The following HTR2C variants were observed in gnomAD, a reference collection of about 807,000 sequenced individuals.
The protein encoded by HTR2C is 5-hydroxytryptamine (serotonin) receptor 2C, G protein-coupled.
Under a neutral mutation model 21.0 loss-of-function variants are expected in HTR2C, and 5 were observed. The ratio of observed to expected loss-of-function variants is 0.24; its 90% CI spans 0.12 to 0.50. The LOEUF (loss-of-function observed/expected upper bound fraction) is 0.50, where lower values mean the gene tolerates loss of function less well. Among genes scored for constraint, HTR2C ranks in the 20% least tolerant of loss-of-function variants. The pLI is 0.98. For synonymous variants in HTR2C, 150 were observed against 145.3 expected (o/e 1.03, Z -0.23); for missense variants, 271 against 371.2 (o/e 0.73, Z 2.22).
intron 4 of HTR2C, among the ~76,000 whole-genome samples, chrX:114,792,441 G>A (rs7888302): frequency 0.013 from 1,411 of 111,531 alleles, 19 homozygotes; most frequent in African/African-American, 0.043. Context: ...CCCTGCAAAG[G>A]ACATGATCTC....
chrX:114,606,587 G>T (rs913398503), intron 1 of HTR2C, among the ~76,000 whole-genome samples: 2 of 111,943 alleles, frequency 1.8e-5, no homozygotes, highest in Non-Finnish European at 3.8e-5. Context: ...GTGGAAAGGA[G>T]AAAGTGGTTG....
chrX:114,769,905 T>G (rs2069983606), intron 4 of HTR2C, among the ~76,000 whole-genome samples: 1 of 111,779 alleles, frequency 8.9e-6, no homozygotes, highest in Non-Finnish European at 1.9e-5. Context: ...AGGTTAGGTA[T>G]GCTGACTACA....
intron 5 of HTR2C, among the ~76,000 whole-genome samples, chrX:114,852,705 A>G (rs1355340135): frequency 9.0e-6 from 1 of 110,795 alleles, no homozygotes; most frequent in African/African-American, 3.3e-5. Flanking sequence ...TCTTCTGTGT[A>G]TAATCAGGTA....
intron 4 of HTR2C, among the ~76,000 whole-genome samples, chrX:114,789,681 A>G (rs1263909509): frequency 9.0e-6 from 1 of 111,520 alleles, no homozygotes; most frequent in Non-Finnish European, 1.9e-5. Flanking sequence ...TAGCATACCC[A>G]CAACTAAGGT....
chrX:114,880,591 C>T (rs147556944), intron 5 of HTR2C, among the ~76,000 whole-genome samples: 142 of 110,864 alleles, frequency 1.3e-3, no homozygotes, highest in Non-Finnish European at 2.2e-3. Flanking sequence ...CCCAGAACAC[C>T]ATGCCTAAGC....
intron 5 of HTR2C, among the ~76,000 whole-genome samples, chrX:114,868,389 G>T (rs2071063744): frequency 9.1e-6 from 1 of 110,162 alleles, no homozygotes; most frequent in South Asian, 3.9e-4. Context: ...AAACATTGTG[G>T]ATGTCCCTTT....
intron 4 of HTR2C, among the ~76,000 whole-genome samples, chrX:114,755,084 A>T (rs2069798586): frequency 9.0e-6 from 1 of 110,525 alleles, no homozygotes; most frequent in Admixed American, 9.7e-5. Context: ...TACTAAAAAT[A>T]CAAAAATCAG....
At chrX:114,690,595 A>G (rs1932076995) in intron 2 of HTR2C, among the ~76,000 whole-genome samples, 1 of 111,511 alleles carries the variant, frequency 9.0e-6, no homozygotes, top group African/African-American at 3.3e-5. Flanking sequence ...AGCTCACAAA[A>G]AAATAGATGA....
At chrX:114,742,725 T>TTA (rs1491370122) in intron 4 of HTR2C, among the ~76,000 whole-genome samples, 5 of 21,618 alleles carry the variant, frequency 2.3e-4, no homozygotes, top group Admixed American at 2.1e-3. Context: ...TTTTTTTTTT[T>TTA]AATTTTTTTT....
chrX:114,602,445 TA>T (rs1928162060), intron 1 of HTR2C, among the ~76,000 whole-genome samples: 1 of 40,661 alleles, frequency 2.5e-5, no homozygotes, highest in African/African-American at 9.3e-5. Flanking sequence ...GGGAAAGTGG[TA>T]AAAGTATTGT....
chrX:114,651,929 A>G (rs1556408547), intron 2 of HTR2C, among the ~76,000 whole-genome samples: 1 of 111,863 alleles, frequency 8.9e-6, no homozygotes, highest in Non-Finnish European at 1.9e-5. Context: ...GAACATTATT[A>G]TGATCTTTCA....
chrX:114,692,846 G>A (rs868914516), intron 2 of HTR2C, among the ~76,000 whole-genome samples: 15 of 111,488 alleles, frequency 1.3e-4, no homozygotes, highest in African/African-American at 4.2e-4. Context: ...GAAAGCCAAT[G>A]GCTCACAGAA....
chrX:114,784,139 GAA>G (rs782206746), intron 4 of HTR2C, among the ~76,000 whole-genome samples: 6 of 70,754 alleles, frequency 8.5e-5, no homozygotes, highest in African/African-American at 2.5e-4. Context: ...TTGGTTCTCT[GAA>G]AAAAAAAAAA....
chrX:114,763,374 C>T (rs1229314049), intron 4 of HTR2C: 2 of 117,915 alleles, frequency 1.7e-5, no homozygotes, highest in Non-Finnish European at 3.7e-5. Context: ...GCTGCATTTG[C>T]GTCAGTATTC....
intron 5 of HTR2C, among the ~76,000 whole-genome samples, chrX:114,876,422 C>CTTTTTTTTTTTTTTTTTTTTTCTTT (rs60498146): frequency 1.1e-4 from 7 of 62,394 alleles, no homozygotes; most frequent in East Asian, 6.0e-4. Context: ...CTTTTTCTTT[C>CTTTTTTTTTTTTTTTTTTTTTCTTT]TTTTTTTTTT....
intron 2 of HTR2C, among the ~76,000 whole-genome samples, chrX:114,650,651 T>G (rs887315483): frequency 2.7e-5 from 3 of 112,188 alleles, no homozygotes; most frequent in Non-Finnish European, 5.6e-5. Flanking sequence ...ACAGCATTAT[T>G]ACTGTATACA....
chrX:114,836,595 GCC>G (rs1480415346), intron 4 of HTR2C, among the ~76,000 whole-genome samples: 6 of 111,715 alleles, frequency 5.4e-5, no homozygotes, highest in East Asian at 2.9e-4. Flanking sequence ...ACTGACCTGC[GCC>G]CACTGTCTGT....
chrX:114,702,264 T>C (rs1932549544), intron 2 of HTR2C, among the ~76,000 whole-genome samples: 1 of 108,040 alleles, frequency 9.3e-6, no homozygotes, highest in African/African-American at 3.3e-5. Flanking sequence ...ATTGTCAGAT[T>C]CACCAAAGTT....
intron 4 of HTR2C, among the ~76,000 whole-genome samples, chrX:114,841,334 C>T (rs782217839): frequency 8.9e-5 from 10 of 111,948 alleles, no homozygotes; most frequent in Non-Finnish European, 1.7e-4. Context: ...ATTCTAGATG[C>T]CAATGTCATT....
Sources: gnomAD v4.1 joint callset for allele counts (sites outside exome capture counted in the v4.1 genomes callset) on GRCh38, gnomAD v4.1.1 for gene constraint, MANE v1.5 for transcripts, NCBI Gene and HGNC (gene_info 2026-07-23, HGNC 2026-07-21) for gene names.